AMOTL1: variants seen among roughly 807,000 people sequenced by gnomAD.
AMOTL1 encodes the protein angiomotin-like protein 1.
A neutral mutation model predicts 102.9 loss-of-function variants in AMOTL1; 45 were observed. The ratio of observed to expected loss-of-function variants is 0.44; its 90% CI spans 0.34 to 0.56. AMOTL1 has a LOEUF of 0.56. AMOTL1 is among the 20% of genes least tolerant of loss of function. The pLI is 0.01. For missense variants in AMOTL1, 1,114 were observed against 1,225.6 expected (o/e 0.91, Z 1.36); for synonymous variants, 481 against 484.7 (o/e 0.99, Z 0.10).
intron 1 of AMOTL1, among the ~76,000 whole-genome samples, chr11:94,774,154 G>A (rs531136196): frequency 6.6e-6 from 1 of 152,132 alleles, no homozygotes; most frequent in Admixed American, 6.5e-5. Context: ...ACGTAAATTC[G>A]CATGTATCCG....
intron 1 of AMOTL1, among the ~76,000 whole-genome samples, chr11:94,719,894 G>A (rs1396588638): frequency 6.6e-6 from 1 of 152,084 alleles, no homozygotes. Context: ...AGATTTTTAA[G>A]AAATACGGGC....
chr11:94,829,772 A>ACCCCTT (rs1440940968), intron 4 of AMOTL1, among the ~76,000 whole-genome samples: 4 of 152,144 alleles, frequency 2.6e-5, no homozygotes, highest in Non-Finnish European at 5.9e-5. Flanking sequence ...GATTAGATTT[A>ACCCCTT]CCCCTTTCTA....
chr11:94,800,510 T>C (rs1054262588), intron 3 of AMOTL1, among the ~76,000 whole-genome samples, 199 bp downstream of exon 3: 1 of 152,132 alleles, frequency 6.6e-6, no homozygotes, highest in Non-Finnish European at 1.5e-5. Flanking sequence ...TCTCCAAACA[T>C]AGCAGCAGGC....
At chr11:94,849,094 A>G (rs1481844965) in intron 6 of AMOTL1, among the ~76,000 whole-genome samples, 1 of 152,152 alleles carries the variant, frequency 6.6e-6, no homozygotes, top group African/African-American at 2.4e-5. Context: ...TTGTCATTCT[A>G]TGCCTCATTT....
chr11:94,792,602 G>A (rs893579476), intron 1 of AMOTL1, among the ~76,000 whole-genome samples: 5 of 152,196 alleles, frequency 3.3e-5, no homozygotes, highest in Non-Finnish European at 5.9e-5. Flanking sequence ...CATCTGCTCT[G>A]CTCTCCAGCC....
intron 3 of AMOTL1, among the ~76,000 whole-genome samples, chr11:94,802,218 T>A (rs1951491765): frequency 6.6e-6 from 1 of 152,186 alleles, no homozygotes; most frequent in South Asian, 2.1e-4. Flanking sequence ...TTCTTCCCCC[T>A]TTATAGCTCC....
chr11:94,839,314 C>T (rs963339797), intron 6 of AMOTL1, among the ~76,000 whole-genome samples: 2 of 152,224 alleles, frequency 1.3e-5, no homozygotes, highest in African/African-American at 4.8e-5. Context: ...TTACTGTGAG[C>T]CAAGCACTCT....
rs773177664 is a variant in AMOTL1, at chr11:94,859,529, A to G, written c.1949A>G (p.His650Arg). ...ELDALRTQQK[H>R]GNGQPANMPE... Reference sequence around the variant, plus strand: ...ATTTTTTTTCTACTCCTTCAGAAACATGGAAATGGCCAGCCAGCCAACATG... The same window carrying G: ...ATTTTTTTTCTACTCCTTCAGAAACGTGGAAATGGCCAGCCAGCCAACATG... The change falls in exon 9 of 13, where the codon CAT becomes CGT. Residue 650 changes from histidine (H) to arginine (R), a missense_variant. Coordinates refer to ENST00000433060, the MANE Select transcript of AMOTL1 (RefSeq NM_130847.3). 1.9e-6 allele frequency: 3 copies of G among 1,611,452 alleles called. No individual in the cohort carries two copies. Among genetic ancestry groups the G allele is most frequent in the Admixed American group, 1.7e-5 (1 of 59,676 alleles).
intron 3 of AMOTL1, among the ~76,000 whole-genome samples, chr11:94,812,216 C>T (rs1439046996): frequency 6.6e-6 from 1 of 152,118 alleles, no homozygotes; most frequent in Non-Finnish European, 1.5e-5. Flanking sequence ...AATTTGTGAA[C>T]CCCAAAGTAT....
At chr11:94,797,345 T>C (rs1157149252) in intron 2 of AMOTL1, among the ~76,000 whole-genome samples, 1 of 152,216 alleles carries the variant, frequency 6.6e-6, no homozygotes, top group African/African-American at 2.4e-5. Flanking sequence ...TACTTAATAG[T>C]CCTGTTGTGA....
intron 4 of AMOTL1, among the ~76,000 whole-genome samples, chr11:94,827,236 T>C (rs1002035813): frequency 2.6e-5 from 4 of 152,138 alleles, no homozygotes; most frequent in Admixed American, 1.3e-4. Context: ...TAAAAAATAC[T>C]ATAAAATCAG....
rs1749365815 is a variant in AMOTL1, at chr11:94,874,063, C to A, written c.*3268C>A. 6.6e-6 allele frequency: 1 copy of A among 152,176 alleles called. No individual in the cohort carries two copies. Among genetic ancestry groups the A allele is most frequent in the African/African-American group, 2.4e-5 (1 of 41,434 alleles). The allele number at this position is 152,176 out of a possible 1,614,324, so 9.4% of individuals were successfully genotyped here. ...GCCCTGGCTTCACGGGAAGGTATTCCAGCATTGTTCTGCTTCACCCTTGAC... is the reference window on the plus strand; with the variant it reads ...GCCCTGGCTTCACGGGAAGGTATTCAAGCATTGTTCTGCTTCACCCTTGAC... On this transcript the variant is annotated 3_prime_UTR_variant, in exon 13 of 13. Transcript: ENST00000433060.
In AMOTL1 at chr11:94,865,676, C is replaced by T. The variant is rs189374087; in HGVS notation, c.2262-266C>T. Among the ~76,000 whole-genome samples, 391 of 152,314 alleles carry T rather than the reference C, an allele frequency of 2.6e-3. 9 individuals are homozygous for T. Among genetic ancestry groups the T allele is most frequent in the African/African-American group, 1.4e-4 (6 of 41,584 alleles). ...TCTAAATATGGTCCCCAGCCGACTT[C>T]GGTCCAGGAATGTGGCCACGGTCAT... On this transcript the variant is annotated intron_variant, in intron 10 of 12. Transcript: ENST00000433060.
chr11:94,805,667 T>A (rs1477778307), intron 3 of AMOTL1, among the ~76,000 whole-genome samples: 1 of 152,216 alleles, frequency 6.6e-6, no homozygotes, highest in Non-Finnish European at 1.5e-5. Context: ...ATAGGGGATT[T>A]GATTTACTAG....
intron 3 of AMOTL1, among the ~76,000 whole-genome samples, chr11:94,803,235 A>T (rs574220796): frequency 1.3e-5 from 2 of 152,106 alleles, no homozygotes; most frequent in Non-Finnish European, 2.9e-5. Context: ...TTTTGTGATC[A>T]CTCTTGACTC....
At chr11:94,819,669 C>T (rs1202018943) in intron 3 of AMOTL1, among the ~76,000 whole-genome samples, 4 of 152,158 alleles carry the variant, frequency 2.6e-5, no homozygotes, top group African/African-American at 7.2e-5. Flanking sequence ...TCGTGTCTCT[C>T]ATGTCTCCCT....
chr11:94,775,754 G>A (rs1466254433), intron 1 of AMOTL1, among the ~76,000 whole-genome samples: 1 of 152,112 alleles, frequency 6.6e-6, no homozygotes, highest in Non-Finnish European at 1.5e-5. Context: ...AACACCACTG[G>A]GCTTCAGATG....
At chr11:94,733,841 T>C (rs2566898) in intron 2 of AMOTL1, among the ~76,000 whole-genome samples, 113,555 of 152,098 alleles carry the variant, frequency 0.75, 44,811 homozygotes, top group Non-Finnish European at 0.89. Context: ...TTTTCTTGTA[T>C]GTATTTTTGG....
chr11:94,799,955 G>A lies in AMOTL1; in HGVS notation c.765G>A (p.Gln255=). The change falls in exon 3 of 13, where the codon CAG becomes CAA. Residue 255 remains glutamine, a synonymous_variant. Coordinates refer to ENST00000433060, the MANE Select transcript of AMOTL1 (RefSeq NM_130847.3). The surrounding 1 kb of genome is among the most constrained non-coding windows in gnomAD (Gnocchi z 4.5). ...ACGAGGCGCTGAAGGAACTGAAGCAGGGCCACGTCCGCTCGCTCAGCGAGA... is the reference window on the plus strand; with the variant it reads ...ACGAGGCGCTGAAGGAACTGAAGCAAGGCCACGTCCGCTCGCTCAGCGAGA... The part of the protein sequence containing the change: ...HKDEALKELK[Q]GHVRSLSERI... 6.2e-7 allele frequency: 1 copy of A among 1,613,978 alleles called. No homozygotes were observed. The highest frequency in any genetic ancestry group is 8.5e-7 in the Non-Finnish European group (1 of 1,179,856).
Sources: gnomAD v4.1 joint callset for allele counts (sites outside exome capture counted in the v4.1 genomes callset) on GRCh38, gnomAD v4.1.1 for gene constraint, Gnocchi (gnomAD v3.1) non-coding constraint, MANE v1.5 for transcripts, NCBI Gene and HGNC (gene_info 2026-07-23, HGNC 2026-07-21) for gene names.